Variants in PDE11A observed in about 807,000 individuals in gnomAD.
PDE11A encodes dual 3',5'-cyclic-AMP and -GMP phosphodiesterase 11A.
In PDE11A, 100 loss-of-function variants were observed where a neutral mutation model predicts 100.5. The observed-to-expected ratio is 1.00, with a 90% confidence interval of 0.85 to 1.18. PDE11A has a LOEUF of 1.18. Among genes scored for constraint, PDE11A ranks in the 50% most tolerant of loss-of-function variants. The probability of loss-of-function intolerance (pLI) is 0.00; values close to 1 mark genes in which losing one functional copy is unlikely to be tolerated. For synonymous variants in PDE11A, 381 were observed against 420.8 expected, an observed-to-expected ratio of 0.91 and a Z score of 1.16; for missense variants, 1,141 against 1,152.6, an observed-to-expected ratio of 0.99 and a Z score of 0.15.
intron 2 of PDE11A, among the ~76,000 whole-genome samples, chr2:178,084,299 CCTT>C (rs2087322169): frequency 6.6e-6 from 1 of 152,174 alleles, no homozygotes; most frequent in Non-Finnish European, 1.5e-5. Flanking sequence ...CAAATTATCT[CCTT>C]GAGTAGCTCA....
chr2:177,996,330 A>C (rs2105814192), intron 2 of PDE11A, among the ~76,000 whole-genome samples: 1 of 152,144 alleles, frequency 6.6e-6, no homozygotes, highest in African/African-American at 2.4e-5. Flanking sequence ...ATCCTTGGCT[A>C]CTGGGAGTAA....
In PDE11A at chr2:177,964,865, C is replaced by G. The variant is rs2105792292; in HGVS notation, c.1071+49437G>C. ...ATGTGTCTTTATGGTAGAATGATTT[C>G]TATTCCTTTGGGTATATACCCAGTA... is the stretch of plus-strand genomic sequence containing the variant. On this transcript the variant is annotated intron_variant, in intron 2 of 19. Transcript: ENST00000286063. Among the ~76,000 whole-genome samples the G allele has an allele frequency of 1.3e-5, 2 of 152,284 alleles. 1 individual carries two copies. The highest frequency in any genetic ancestry group is 4.1e-4 in the South Asian group (2 of 4,826).
chr2:177,659,798 C>T (rs1306854323), intron 19 of PDE11A, among the ~76,000 whole-genome samples: 3 of 151,798 alleles, frequency 2.0e-5, no homozygotes, highest in Non-Finnish European at 4.4e-5. Flanking sequence ...TTTTCCCCCT[C>T]CAAAGACGTT....
intron 12 of PDE11A, among the ~76,000 whole-genome samples, chr2:177,727,180 C>T (rs991592539): frequency 5.9e-5 from 9 of 151,938 alleles, no homozygotes; most frequent in Admixed American, 1.3e-4. Flanking sequence ...CTGGAGAGTG[C>T]GCACTCTTAC....
chr2:178,062,397 T>A (rs1369080130), intron 1 of PDE11A, among the ~76,000 whole-genome samples: 1 of 150,344 alleles, frequency 6.7e-6, no homozygotes, highest in African/African-American at 2.4e-5. Flanking sequence ...GTGTGCACCC[T>A]CTCACTTAGT....
At chr2:177,716,989 C>T (rs1040366726) in intron 12 of PDE11A, among the ~76,000 whole-genome samples, 1 of 152,142 alleles carries the variant, frequency 6.6e-6, no homozygotes, top group Non-Finnish European at 1.5e-5. Context: ...GCATCTTGGT[C>T]TTAAACTACT....
chr2:177,906,481 A>T (rs76347782), intron 2 of PDE11A, among the ~76,000 whole-genome samples: 2,838 of 152,332 alleles, frequency 0.019, 52 homozygotes, highest in South Asian at 0.046. Flanking sequence ...TTACCTGGGC[A>T]TGATCAACTC....
intron 15 of PDE11A, chr2:177,683,377 C>A (rs907337468): frequency 6.6e-6 from 1 of 152,250 alleles, no homozygotes; most frequent in African/African-American, 2.4e-5. Flanking sequence ...GTATACAGTT[C>A]TTTTCTTCAT....
chr2:177,824,455 T>C (rs189276166), intron 6 of PDE11A, among the ~76,000 whole-genome samples: 165 of 152,322 alleles, frequency 1.1e-3, no homozygotes, highest in Non-Finnish European at 1.2e-3. Flanking sequence ...GGACAAGAAC[T>C]CCAAAGCTCA....
At chr2:177,987,120 A>G (rs778765895) in intron 2 of PDE11A, among the ~76,000 whole-genome samples, 2 of 152,038 alleles carry the variant, frequency 1.3e-5, no homozygotes, top group African/African-American at 2.4e-5. Context: ...ATGTCCCCCA[A>G]ATATGTCCCC....
chr2:177,663,840 A>G (rs1158219655), intron 19 of PDE11A, 26 bp downstream of exon 19: 14 of 1,267,094 alleles, frequency 1.1e-5, no homozygotes, highest in Admixed American at 1.7e-5. Context: ...CAGTCAGAAC[A>G]TGTAGGCCCT....
intron 2 of PDE11A, among the ~76,000 whole-genome samples, chr2:177,951,799 G>A (rs1168885702): frequency 4.6e-5 from 7 of 152,142 alleles, no homozygotes; most frequent in South Asian, 2.1e-4. Flanking sequence ...TATCTTCATC[G>A]TACTTGGCAG....
chr2:178,048,337 G>A (rs2086778103), intron 1 of PDE11A, among the ~76,000 whole-genome samples: 1 of 152,136 alleles, frequency 6.6e-6, no homozygotes, highest in South Asian at 2.1e-4. Context: ...TGGGATGGGG[G>A]GCTGGGGGCG....
intron 10 of PDE11A, among the ~76,000 whole-genome samples, chr2:177,740,298 G>GAGCTTTAATTTAAAAAATTAAGAACTC (rs1363862216): frequency 1.9e-4 from 29 of 152,198 alleles, no homozygotes; most frequent in Non-Finnish European, 3.4e-4. Flanking sequence ...ACAACACTAA[G>GAGCTTTAATTTAAAAAATTAAGAACTC]AGCTTTAATT....
At chr2:178,050,441 C>T (rs995303178) in intron 1 of PDE11A, among the ~76,000 whole-genome samples, 1 of 152,132 alleles carries the variant, frequency 6.6e-6, no homozygotes, top group Admixed American at 6.5e-5. Flanking sequence ...AATCAGAGTG[C>T]CTCTTCTCCT....
At chr2:177,850,105 G>A (rs939204986) in intron 5 of PDE11A, among the ~76,000 whole-genome samples, 1 of 152,104 alleles carries the variant, frequency 6.6e-6, no homozygotes, top group Non-Finnish European at 1.5e-5. Context: ...GAACAAAGCT[G>A]GAGGCATCAT....
chr2:177,957,373 A>G (rs1473866106), intron 2 of PDE11A, among the ~76,000 whole-genome samples: 3 of 152,232 alleles, frequency 2.0e-5, no homozygotes, highest in African/African-American at 7.2e-5. Flanking sequence ...TGAACCAAAC[A>G]TTATCAATTC....
intron 2 of PDE11A, among the ~76,000 whole-genome samples, chr2:178,101,326 G>C (rs1370928571): frequency 1.3e-5 from 2 of 152,130 alleles, no homozygotes; most frequent in African/African-American, 4.8e-5. Context: ...CAGCTGGGAG[G>C]GTCCCAAATG....
intron 1 of PDE11A, among the ~76,000 whole-genome samples, chr2:178,027,468 G>A (rs1527294): frequency 0.5 from 76,412 of 151,968 alleles, 20,000 homozygotes; most frequent in East Asian, 0.71. Flanking sequence ...CTACTGAATT[G>A]TCAGTAAAAT....
Sources: gnomAD v4.1 joint callset for allele counts (sites outside exome capture counted in the v4.1 genomes callset) on GRCh38, gnomAD v4.1.1 for gene constraint, MANE v1.5 for transcripts, NCBI Gene and HGNC (gene_info 2026-07-23, HGNC 2026-07-21) for gene names.